SGCZ: variants seen among roughly 807,000 people sequenced by gnomAD.
The protein encoded by SGCZ is zeta-sarcoglycan.
SGCZ carries 40 observed loss-of-function variants against 41.3 expected under a neutral mutation model. The ratio of observed to expected loss-of-function variants is 0.97; its 90% CI spans 0.75 to 1.26. The LOEUF (loss-of-function observed/expected upper bound fraction) is 1.26. Ranked by LOEUF, SGCZ falls within the 50% of genes most tolerant of loss-of-function variation. The pLI is 0.00. For synonymous variants in SGCZ, 206 were observed against 137.5 expected, an observed-to-expected ratio of 1.50 and a Z score of -3.49; for missense variants, 552 against 369.8, an observed-to-expected ratio of 1.49 and a Z score of -4.04.
At chr8:14,881,378 C>A (rs548551044) in intron 1 of SGCZ, among the ~76,000 whole-genome samples, 14 of 152,098 alleles carry the variant, frequency 9.2e-5, no homozygotes, top group Non-Finnish European at 1.8e-4. Context: ...CCCCCATACA[C>A]CATGTCGGTG....
At chr8:14,297,738 A>C (rs1197661368) in intron 3 of SGCZ, among the ~76,000 whole-genome samples, 1 of 152,120 alleles carries the variant, frequency 6.6e-6, no homozygotes, top group Non-Finnish European at 1.5e-5. Flanking sequence ...GATCCATTTA[A>C]ACGGCTATAT....
chr8:14,769,216 G>T (rs1047986221), intron 1 of SGCZ, among the ~76,000 whole-genome samples: 1 of 152,108 alleles, frequency 6.6e-6, no homozygotes, highest in Non-Finnish European at 1.5e-5. Context: ...TAATGACAAT[G>T]ATGTGAATAA....
chr8:14,891,813 A>G (rs557411352), intron 1 of SGCZ, among the ~76,000 whole-genome samples: 2 of 152,222 alleles, frequency 1.3e-5, no homozygotes, highest in African/African-American at 4.8e-5. Flanking sequence ...TTTAGCAACC[A>G]TCACCCTCAT....
chr8:14,588,018 A>G (rs1353935436), intron 1 of SGCZ, among the ~76,000 whole-genome samples: 1 of 152,128 alleles, frequency 6.6e-6, no homozygotes, highest in Non-Finnish European at 1.5e-5. Flanking sequence ...TAAAAAGTTG[A>G]GCGATAATAT....
At chr8:14,630,273 G>T (rs1585138630) in intron 1 of SGCZ, among the ~76,000 whole-genome samples, 1 of 151,200 alleles carries the variant, frequency 6.6e-6, no homozygotes, top group Non-Finnish European at 1.5e-5. Flanking sequence ...GAATAAATCT[G>T]CTTATGTCTG....
chr8:14,457,682 G>C (rs571519518), intron 2 of SGCZ, among the ~76,000 whole-genome samples: 7 of 152,168 alleles, frequency 4.6e-5, no homozygotes, highest in Non-Finnish European at 1.0e-4. Flanking sequence ...GAAATAATGG[G>C]GTAAGCTGTC....
intron 2 of SGCZ, among the ~76,000 whole-genome samples, chr8:14,401,641 T>C (rs1215089472): frequency 6.6e-6 from 1 of 151,832 alleles, no homozygotes; most frequent in African/African-American, 2.4e-5. Flanking sequence ...GGCTGCATAG[T>C]ATTCCATGGT....
At chr8:14,698,596 C>T (rs1461116225) in intron 1 of SGCZ, among the ~76,000 whole-genome samples, 1 of 151,836 alleles carries the variant, frequency 6.6e-6, no homozygotes, top group African/African-American at 2.4e-5. Flanking sequence ...TAACTTAATA[C>T]AAATTGCATG....
At chr8:15,033,534 A>G (rs1261889282) in intron 1 of SGCZ, among the ~76,000 whole-genome samples, 1 of 152,036 alleles carries the variant, frequency 6.6e-6, no homozygotes, top group South Asian at 2.1e-4. Context: ...CAGGAGCACC[A>G]CTAGAGAATG....
chr8:14,711,598 T>TAAA (rs200467876), intron 1 of SGCZ, among the ~76,000 whole-genome samples: 66 of 80,246 alleles, frequency 8.2e-4, no homozygotes, highest in Non-Finnish European at 1.2e-3. Context: ...TGAGACTCTG[T>TAAA]AAAAAAAAAA....
chr8:14,534,585 C>A (rs1384369559), intron 2 of SGCZ, among the ~76,000 whole-genome samples: 1 of 151,926 alleles, frequency 6.6e-6, no homozygotes, highest in Non-Finnish European at 1.5e-5. Flanking sequence ...TGCTCATGAT[C>A]TGGGACAGGA....
At chr8:14,407,459 T>A (rs1799243125) in intron 2 of SGCZ, among the ~76,000 whole-genome samples, 2 of 152,106 alleles carry the variant, frequency 1.3e-5, no homozygotes, top group Admixed American at 1.3e-4. Context: ...GGATTCAGGA[T>A]CAGGACAAAG....
At position 14,102,361 on chromosome 8, in the gene SGCZ, C is replaced by G. The variant is rs368343813; in HGVS notation, c.744+15G>C. On this transcript the variant is annotated intron_variant, in intron 7 of 7. Coordinates refer to ENST00000382080, the MANE Select transcript of SGCZ (RefSeq NM_139167.4). ...TGGGCAGTATAGGGCGAGGGTCCAA[C>G]TTTCTGGGACTCACCTCCCCTTCTG... 2.4e-5 allele frequency: 35 copies of G among 1,460,448 alleles called. No homozygotes were observed. Among genetic ancestry groups the G allele is most frequent in the Non-Finnish European group, 2.5e-5 (27 of 1,089,396 alleles). The allele number at this position is 1,460,448 out of a possible 1,614,324, so 90.5% of individuals were successfully genotyped here. A position where few individuals can be genotyped will look rare whatever the true frequency, so the allele number is the denominator to read the frequency against.
intron 1 of SGCZ, among the ~76,000 whole-genome samples, chr8:15,174,864 G>T (rs80355477): frequency 1.3e-5 from 2 of 152,164 alleles, no homozygotes; most frequent in African/African-American, 4.8e-5. Context: ...TGGTAAGGTT[G>T]TGGAGTCAAA....
At chr8:14,595,030 C>A (rs1207078438) in intron 1 of SGCZ, among the ~76,000 whole-genome samples, 1 of 150,618 alleles carries the variant, frequency 6.6e-6, no homozygotes, top group East Asian at 1.9e-4. Context: ...AATACTTCGT[C>A]TAATACTTTT....
At chr8:14,853,471 A>G (rs1301533615) in intron 1 of SGCZ, 1 of 532,970 alleles carries the variant, frequency 1.9e-6, no homozygotes, top group Non-Finnish European at 3.8e-6. Context: ...TGGCTGATTA[A>G]TATCCACCCA....
intron 5 of SGCZ, among the ~76,000 whole-genome samples, chr8:14,128,807 G>A (rs1802944735): frequency 6.6e-6 from 1 of 152,048 alleles, no homozygotes; most frequent in African/African-American, 2.4e-5. Flanking sequence ...GGATGGAACT[G>A]AAGGTGATCA....
At chr8:14,664,837 C>A (rs1272138775) in intron 1 of SGCZ, among the ~76,000 whole-genome samples, 1 of 152,130 alleles carries the variant, frequency 6.6e-6, no homozygotes. Context: ...ATAGCATCTG[C>A]TTCCAAATAT....
At chr8:14,498,334 C>T (rs904237439) in intron 2 of SGCZ, among the ~76,000 whole-genome samples, 4 of 152,070 alleles carry the variant, frequency 2.6e-5, no homozygotes, top group African/African-American at 9.7e-5. Flanking sequence ...CAACACACCA[C>T]AATTTGTATT....
Sources: allele counts gnomAD v4.1 joint callset (sites outside exome capture counted in the v4.1 genomes callset), GRCh38; gene constraint gnomAD v4.1.1; transcripts MANE v1.5; gene names NCBI Gene and HGNC (gene_info 2026-07-23, HGNC 2026-07-21).